Variants in FAT3 observed in about 807,000 individuals in gnomAD.
FAT3 encodes the protein FAT atypical cadherin 3.
In FAT3, 95 loss-of-function variants were observed where a neutral mutation model predicts 310.2. The ratio of observed to expected loss-of-function variants is 0.31; its 90% confidence interval spans 0.26 to 0.36. FAT3 has a LOEUF of 0.36. Ranked by LOEUF, FAT3 falls within the 10% of genes least tolerant of loss-of-function variation. The probability of loss-of-function intolerance (pLI) is 1.00; values close to 1 mark genes in which losing one functional copy is unlikely to be tolerated. For synonymous variants in FAT3, 2,314 were observed against 2,192.9 expected (o/e 1.06, Z -1.54); for missense variants, 5,408 against 5,715.6 (o/e 0.95, Z 1.74).
intron 1 of FAT3, among the ~76,000 whole-genome samples, chr11:92,263,201 C>T (rs1308722215): frequency 2.6e-5 from 4 of 151,650 alleles, no homozygotes; most frequent in Admixed American, 6.6e-5. Context: ...TGAGTGTTGT[C>T]GACAATTCTA....
intron 2 of FAT3, among the ~76,000 whole-genome samples, chr11:92,487,924 C>T (rs1274628691): frequency 3.9e-5 from 6 of 152,208 alleles, no homozygotes; most frequent in Non-Finnish European, 8.8e-5. Flanking sequence ...CCCCACGATC[C>T]CTGTCCCTTG....
intron 3 of FAT3, among the ~76,000 whole-genome samples, chr11:92,674,520 T>C (rs1166578674): frequency 1.3e-5 from 2 of 152,032 alleles, no homozygotes; most frequent in Admixed American, 6.6e-5. Context: ...TATTTTAATA[T>C]TAATTTAATT....
intron 2 of FAT3, among the ~76,000 whole-genome samples, chr11:92,387,063 AGTGTGTGTGTGTGT>A (rs67529435): frequency 0.016 from 2,273 of 144,234 alleles, 35 homozygotes; most frequent in Non-Finnish European, 0.024. Flanking sequence ...TATGGGAGCT[AGTGTGTGTGTGTGT>A]GTGTGTGTGT....
chr11:92,260,343 C>T (rs1865496719), intron 1 of FAT3, among the ~76,000 whole-genome samples: 1 of 151,958 alleles, frequency 6.6e-6, no homozygotes, highest in Admixed American at 6.6e-5. Flanking sequence ...AAATATTTGA[C>T]CCAAGGCTCT....
intron 1 of FAT3, among the ~76,000 whole-genome samples, chr11:92,275,057 A>G (rs1311652963): frequency 1.3e-5 from 2 of 152,138 alleles, no homozygotes; most frequent in African/African-American, 4.8e-5. Context: ...AAACCATAGC[A>G]GCAGTAACAG....
At chr11:92,593,805 A>G (rs1056843000) in intron 3 of FAT3, among the ~76,000 whole-genome samples, 2 of 152,232 alleles carry the variant, frequency 1.3e-5, no homozygotes, top group African/African-American at 4.8e-5. Context: ...AATATAACAT[A>G]TGATTCCATT....
intron 2 of FAT3, among the ~76,000 whole-genome samples, chr11:92,444,725 T>C (rs542725795): frequency 3.3e-5 from 5 of 151,888 alleles, no homozygotes; most frequent in Admixed American, 2.0e-4. Context: ...TAGGACTAGA[T>C]GGATCAGTTT....
At chr11:92,714,797 C>G (rs1232274880) in intron 4 of FAT3, among the ~76,000 whole-genome samples, 1 of 152,088 alleles carries the variant, frequency 6.6e-6, no homozygotes, top group Non-Finnish European at 1.5e-5. Context: ...AGCACTAACA[C>G]AGTTTCTAGC....
intron 4 of FAT3, among the ~76,000 whole-genome samples, chr11:92,742,757 A>G (rs1945543934): frequency 6.6e-6 from 1 of 152,238 alleles, no homozygotes; most frequent in Non-Finnish European, 1.5e-5. Flanking sequence ...CAGAACTGTG[A>G]GCCAAATAAA....
At chr11:92,300,348 G>T (rs2134422625) in intron 1 of FAT3, among the ~76,000 whole-genome samples, 1 of 152,214 alleles carries the variant, frequency 6.6e-6, no homozygotes, top group East Asian at 1.9e-4. Context: ...GAGTTTGGGT[G>T]TGCATTTATC....
At chr11:92,411,554 C>G (rs1176802131) in intron 2 of FAT3, among the ~76,000 whole-genome samples, 2 of 152,076 alleles carry the variant, frequency 1.3e-5, no homozygotes, top group African/African-American at 4.8e-5. Context: ...TTTTGACAAG[C>G]CTTCTGGTGA....
intron 1 of FAT3, among the ~76,000 whole-genome samples, chr11:92,318,121 C>T (rs1252515091): frequency 6.6e-6 from 1 of 151,992 alleles, no homozygotes; most frequent in Non-Finnish European, 1.5e-5. Flanking sequence ...GAGGAGACAC[C>T]ATATCATAGT....
intron 2 of FAT3, among the ~76,000 whole-genome samples, chr11:92,465,251 A>C (rs777746492): frequency 1.3e-5 from 2 of 152,204 alleles, no homozygotes; most frequent in Non-Finnish European, 2.9e-5. Flanking sequence ...TTAAATGTTG[A>C]GTATCTTGCT....
At chr11:92,770,145 C>T (rs1281170070) in intron 6 of FAT3, among the ~76,000 whole-genome samples, 1 of 152,188 alleles carries the variant, frequency 6.6e-6, no homozygotes, top group Non-Finnish European at 1.5e-5. Context: ...ACTTCATTTC[C>T]CCTATTCTGC....
intron 9 of FAT3, among the ~76,000 whole-genome samples, 196 bp from the exon 10 acceptor site, chr11:92,797,640 T>C (rs551845112): frequency 6.6e-6 from 1 of 152,316 alleles, no homozygotes; most frequent in Non-Finnish European, 1.5e-5. Flanking sequence ...ACTATAATAC[T>C]GGGAAACTCA....
intron 7 of FAT3, among the ~76,000 whole-genome samples, chr11:92,775,249 T>G (rs974001211): frequency 6.6e-6 from 1 of 152,200 alleles, no homozygotes; most frequent in Non-Finnish European, 1.5e-5. Context: ...TTAAATATGA[T>G]GTAAGCATTT....
intron 3 of FAT3, among the ~76,000 whole-genome samples, chr11:92,681,982 A>G (rs1427442786): frequency 2.6e-5 from 4 of 152,250 alleles, no homozygotes; most frequent in Non-Finnish European, 4.4e-5. Flanking sequence ...ATCCCTGTGC[A>G]CTTTCACATA....
At position 92,634,892 on chromosome 11, in the gene FAT3, A is replaced by G. The variant is rs1941701466; in HGVS notation, c.3608-62492A>G. ...AATGGACCCCTGATCCAGTAGGATT[A>G]GTGTGTCCTTATAGGAGGAGACCAC... On this transcript the variant is annotated intron_variant, in intron 3 of 27. Coordinates refer to ENST00000525166, the MANE Select transcript of FAT3 (RefSeq NM_001367949.2). Among the ~76,000 whole-genome samples, 3 of 152,212 alleles carry G rather than the reference A, an allele frequency of 2.0e-5. No individual in the cohort carries two copies. In the South Asian group the frequency reaches 6.2e-4, roughly 32 times the overall value.
chr11:92,346,139 G>A (rs1395787590), intron 1 of FAT3, among the ~76,000 whole-genome samples: 1 of 152,036 alleles, frequency 6.6e-6, no homozygotes, highest in East Asian at 1.9e-4. Context: ...TATGTCATAC[G>A]AGCAGTCTAT....
Sources: allele counts gnomAD v4.1 joint callset (sites outside exome capture counted in the v4.1 genomes callset), GRCh38; gene constraint gnomAD v4.1.1; transcripts MANE v1.5; gene names NCBI Gene and HGNC (gene_info 2026-07-23, HGNC 2026-07-21).